ANKUB1: variants seen among roughly 807,000 people sequenced by gnomAD.
ANKUB1 encodes protein ANKUB1.
A neutral mutation model predicts 49.3 loss-of-function variants in ANKUB1; 42 were observed. The observed-to-expected ratio is 0.85, with a 90% CI of 0.67 to 1.10. ANKUB1 has a LOEUF of 1.10. Ranked by LOEUF, ANKUB1 falls within the 50% of genes least tolerant of loss-of-function variation. The probability of loss-of-function intolerance (pLI) is 0.00; values close to 1 mark genes in which losing one functional copy is unlikely to be tolerated. For missense variants in ANKUB1, 613 were observed against 642.0 expected (o/e 0.95, Z 0.49); for synonymous variants, 222 against 231.0 (o/e 0.96, Z 0.35).
rs79672256 is a variant in ANKUB1, at chr3:149,770,455, C to T, written c.566+105G>A. 3.9e-3 allele frequency: 3,038 copies of T among 788,680 alleles called. 71 individuals are homozygous for T. In the African/African-American group the frequency reaches 0.049, roughly 13 times the overall value. 48.9% of individuals were successfully genotyped at this position (788,680 alleles called of 1,614,324 possible). ...CATACTAAGTGGAACTGGCATAGAGCAGCACCCCAGCTGTAGAGTGAGTGA... is the reference window on the plus strand; with the variant it reads ...CATACTAAGTGGAACTGGCATAGAGTAGCACCCCAGCTGTAGAGTGAGTGA... On this transcript the variant is annotated intron_variant, in intron 4 of 5. Transcript: ENST00000446160.
At position 149,790,927 on chromosome 3, in the gene ANKUB1, T is replaced by C; in HGVS notation, c.91-3A>G. On this transcript the variant is annotated splice_region_variant and splice_polypyrimidine_tract_variant and intron_variant, in intron 1 of 5. Transcript: ENST00000446160. ...GAGAGAGGAATGTGGAAATAATCCT[T>C]AAAAATCAATAGCATATTATGAAAA... is the stretch of plus-strand genomic sequence containing the variant. 1 of 1,550,694 alleles carries C rather than the reference T, an allele frequency of 6.4e-7. No individual in the cohort carries two copies. The highest frequency in any genetic ancestry group is 8.7e-7 in the Non-Finnish European group (1 of 1,146,506).
rs1716770887 is a variant in ANKUB1, at chr3:149,761,226, C to T, written c.*258G>A. The T allele has an allele frequency of 6.8e-6, 2 of 294,984 alleles. No individual in the cohort carries two copies. Among genetic ancestry groups the T allele is most frequent in the South Asian group, 1.1e-4 (1 of 8,872 alleles). The allele number at this position is 294,984 out of a possible 1,614,324, so 18.3% of individuals were successfully genotyped here. On this transcript the variant is annotated 3_prime_UTR_variant, in exon 6 of 6. Transcript: ENST00000446160. The stretch of plus-strand genomic sequence containing the variant: ...TCCTTGTTTTCCATTGTCTCAGCTC[C>T]CCTACCCTGTGGACAACTACTATTC...
intron 2 of ANKUB1, chr3:149,783,781 A>G (rs1717967350): frequency 6.6e-6 from 1 of 152,128 alleles, no homozygotes; most frequent in Non-Finnish European, 1.5e-5. Context: ...GTCTCCATAA[A>G]CTTCTCCTCT....
chr3:149,765,007 A>G (rs1279096571), intron 5 of ANKUB1, among the ~76,000 whole-genome samples: 1 of 152,206 alleles, frequency 6.6e-6, no homozygotes, highest in African/African-American at 2.4e-5. Flanking sequence ...ACCAAAACTC[A>G]TATGCAAGAA....
At chr3:149,766,061 C>G (rs762118099) in intron 5 of ANKUB1, among the ~76,000 whole-genome samples, 1 of 152,140 alleles carries the variant, frequency 6.6e-6, no homozygotes, top group Non-Finnish European at 1.5e-5. Context: ...AGGGAAAAGT[C>G]GCTTGTAAAT....
intron 2 of ANKUB1, among the ~76,000 whole-genome samples, chr3:149,787,684 T>C (rs1038452681): frequency 7.2e-5 from 11 of 152,188 alleles, no homozygotes; most frequent in African/African-American, 2.4e-4. Context: ...CTTTTCCAAA[T>C]GTGTCTATAT....
chr3:149,761,710 G>A (rs1716793308), intron 5 of ANKUB1, 97 bp from the exon 6 acceptor site: 2 of 1,361,988 alleles, frequency 1.5e-6, no homozygotes, highest in Non-Finnish European at 2.0e-6. Context: ...TTTGTAGCTA[G>A]GGCTAGTTTG....
chr3:149,774,626 A>C (rs984335421), intron 3 of ANKUB1, among the ~76,000 whole-genome samples: 4 of 152,116 alleles, frequency 2.6e-5, no homozygotes, highest in Admixed American at 6.5e-5. Context: ...TTGGTGGGGC[A>C]CCTCCATCAG....
chr3:149,776,203 G>GCATCTTGAAAACAGTCT (rs937346904), intron 3 of ANKUB1, among the ~76,000 whole-genome samples: 2 of 152,070 alleles, frequency 1.3e-5, no homozygotes, highest in Non-Finnish European at 2.9e-5. Flanking sequence ...ACTTTTACCA[G>GCATCTTGAAAACAGTCT]CATCTTGAAA....
At chr3:149,783,851 C>T (rs577438317) in intron 2 of ANKUB1, 150 of 152,258 alleles carry the variant, frequency 9.9e-4, no homozygotes, top group African/African-American at 3.6e-3. Context: ...ATTGGAACAC[C>T]TTTCTTCACC....
At chr3:149,762,721 C>T (rs1442570610) in intron 5 of ANKUB1, among the ~76,000 whole-genome samples, 1 of 152,212 alleles carries the variant, frequency 6.6e-6, no homozygotes, top group African/African-American at 2.4e-5. Context: ...CTTCTATGAG[C>T]TTCCCACCTA....
In ANKUB1 at chr3:149,777,433, C is replaced by G. The variant is rs115043089; in HGVS notation, c.451+2806G>C. ...GTCGCAGTAAGCTGAGGTCGTGCCA[C>G]TGCACTCTAACCTGGCAACAGGCAA... On this transcript the variant is annotated intron_variant, in intron 3 of 5. Transcript: ENST00000446160. Among the ~76,000 whole-genome samples the G allele has an allele frequency of 4.0e-3, 605 of 152,266 alleles. 2 individuals carry two copies. The highest frequency in any genetic ancestry group is 0.014 in the African/African-American group (574 of 41,558).
intron 5 of ANKUB1, chr3:149,764,017 C>G (rs963455234): frequency 6.6e-6 from 3 of 456,138 alleles, no homozygotes; most frequent in Non-Finnish European, 1.3e-5. Context: ...CTGATGGTCA[C>G]TTTACCCACC....
chr3:149,788,208 G>A (rs903744070), intron 2 of ANKUB1, among the ~76,000 whole-genome samples: 1 of 152,170 alleles, frequency 6.6e-6, no homozygotes, highest in Non-Finnish European at 1.5e-5. Flanking sequence ...GATAGATCAA[G>A]CATGATAGAG....
Position 149,792,316 on chromosome 3 carries a change from T to C in ANKUB1, c.51A>G (p.Ser17=). The change falls in exon 1 of 6, where the codon TCA becomes TCG. Residue 17 remains serine (S), a synonymous_variant. Coordinates refer to ENST00000446160, the MANE Select transcript of ANKUB1 (RefSeq NM_001144960.3). ...TGACAACCTCCACAGTTTCATCTGC[T>C]GAAACATCAAACGGTTCAAAAGATC... is the stretch of plus-strand genomic sequence containing the variant. ...FEGSFEPFDV[S]ADETVEVVKL... 6.5e-7 allele frequency: 1 copy of C among 1,534,682 alleles called. No homozygotes were observed. The highest frequency in any genetic ancestry group is 8.8e-7 in the Non-Finnish European group (1 of 1,137,850).
chr3:149,786,399 A>C (rs1718102880), intron 2 of ANKUB1, among the ~76,000 whole-genome samples: 1 of 152,124 alleles, frequency 6.6e-6, no homozygotes, highest in South Asian at 2.1e-4. Context: ...GCATCTGTTC[A>C]TGTCCTTTGC....
Position 149,792,378 on chromosome 3 carries a change from C to A in ANKUB1, c.-12G>T, listed in dbSNP as rs1718399448. The A allele has an allele frequency of 6.9e-7, 1 of 1,458,074 alleles. No individual in the cohort carries two copies. 90.3% of individuals were successfully genotyped at this position (1,458,074 alleles called of 1,614,324 possible). A position where few individuals can be genotyped will look rare whatever the true frequency, so the allele number is the denominator to read the frequency against. On this transcript the variant is annotated 5_prime_UTR_variant, in exon 1 of 6. It adds an upstream start codon to the 5' untranslated region. Coordinates refer to ENST00000446160, the MANE Select transcript of ANKUB1 (RefSeq NM_001144960.3). ...ATGAAAATCCTCATTGTACAATTAC[C>A]TTTTCAAACAAAAAATATCCAACTT...
chr3:149,791,032 T>G, intron 1 of ANKUB1, 108 bp from the exon 2 acceptor site: 15 of 1,150,486 alleles, frequency 1.3e-5, no homozygotes, highest in Non-Finnish European at 1.7e-5. Flanking sequence ...TATAATTGTT[T>G]GGGACAAAGG....
intron 3 of ANKUB1, among the ~76,000 whole-genome samples, chr3:149,776,184 T>G (rs1022268699): frequency 3.3e-5 from 5 of 152,196 alleles, no homozygotes; most frequent in South Asian, 4.1e-4. Flanking sequence ...ATCTCAGAAT[T>G]GTCTTTGGAC....
Sources: gnomAD v4.1 joint callset for allele counts (sites outside exome capture counted in the v4.1 genomes callset) on GRCh38, gnomAD v4.1.1 for gene constraint, MANE v1.5 for transcripts, NCBI Gene and HGNC (gene_info 2026-07-23, HGNC 2026-07-21) for gene names.